The following OSBP variants were observed in gnomAD, a reference collection of about 807,000 sequenced individuals.
OSBP encodes the protein oxysterol binding protein.
A neutral mutation model predicts 96.6 loss-of-function variants in OSBP; 32 were observed. That is an observed-to-expected ratio of 0.33 (90% CI 0.25 to 0.45). OSBP has a LOEUF of 0.45. Among genes scored for constraint, OSBP ranks in the 20% least tolerant of loss-of-function variants. The probability of loss-of-function intolerance (pLI) is 1.00; values close to 1 mark genes in which losing one functional copy is unlikely to be tolerated. For synonymous variants in OSBP, 369 were observed against 389.6 expected (o/e 0.95, Z 0.62); for missense variants, 653 against 1,029.7 (o/e 0.63, Z 5.01).
chr11:59,590,407 T>C (rs1860563143), intron 9 of OSBP, among the ~76,000 whole-genome samples: 1 of 152,192 alleles, frequency 6.6e-6, no homozygotes, highest in East Asian at 1.9e-4. Flanking sequence ...GAAGCCAGAT[T>C]GCCTCAACTC....
chr11:59,610,129 C>T (rs950267302), intron 2 of OSBP, among the ~76,000 whole-genome samples: 1 of 152,130 alleles, frequency 6.6e-6, no homozygotes, highest in Non-Finnish European at 1.5e-5. Context: ...TCTCTAGATG[C>T]CATAGCACCT....
At position 59,600,593 on chromosome 11, in the gene OSBP, T is replaced by C. The variant is rs754431059; in HGVS notation, c.1214A>G (p.Lys405Arg). The change falls in exon 7 of 14, where the codon AAG (lysine) becomes AGG (arginine). Residue 405 changes from lysine (K) to arginine (R), a missense_variant. By Grantham distance (26) the Lys-to-Arg change is conservative. Around this residue, in one of 6 missense-constraint regions of OSBP, gnomAD observed 308 missense variants for 573.1 expected, o/e 0.54. Coordinates refer to ENST00000263847, the MANE Select transcript of OSBP (RefSeq NM_002556.3). ...KHQLEETKKE[K>R]RTRIPYKPNY... The stretch of plus-strand genomic sequence containing the variant: ...TGGCTTGTATGGTATTCTGGTTCTC[T>C]TTTCCTTTTTGGTCTCCTCCAGCTG... 1.2e-5 allele frequency: 19 copies of C among 1,614,040 alleles called. No homozygotes were observed. Among genetic ancestry groups the C allele is most frequent in the Non-Finnish European group, 1.6e-5 (19 of 1,179,974 alleles).
Position 59,580,181 on chromosome 11 carries a change from G to T in OSBP, c.1871C>A (p.Ala624Glu). 6.2e-7 allele frequency: 1 copy of T among 1,600,132 alleles called. No individual in the cohort carries two copies. Among genetic ancestry groups the T allele is most frequent in the Non-Finnish European group, 8.6e-7 (1 of 1,167,572 alleles). The change falls in exon 11 of 14, where the codon GCA becomes GAA. Residue 624 changes from alanine (A) to glutamate (E), a missense_variant. Around this residue, in one of 6 missense-constraint regions of OSBP, gnomAD observed 169 missense variants for 251.5 expected, o/e 0.67. Coordinates refer to ENST00000263847, the MANE Select transcript of OSBP (RefSeq NM_002556.3). The part of the protein sequence containing the change: ...VPYSYFSRDV[A>E]RKVTGEVTDP... ...AATTTCAACTTCCCTTACCTTTCTT[G>T]CTACATCCCGAGAGAAGTAGCTATA... is the stretch of plus-strand genomic sequence containing the variant.
At chr11:59,600,435 C>T in intron 7 of OSBP, 61 bp downstream of exon 7, 7 of 1,587,574 alleles carry the variant, frequency 4.4e-6, no homozygotes, top group Non-Finnish European at 6.0e-6. Flanking sequence ...CATATCAGCA[C>T]TCTTCCCACT....
Position 59,600,621 on chromosome 11 carries a change from G to T in OSBP, c.1186C>A (p.His396Asn). The T allele has an allele frequency of 6.2e-7, 1 of 1,613,690 alleles. No homozygotes were observed. Residue 396 changes from histidine to asparagine, a missense_variant, in exon 7 of 14, where the codon CAT (histidine) becomes AAT (asparagine). Physicochemically the swap from His to Asn is moderately conservative, Grantham distance 68. Transcript: ENST00000263847. ...TCCTTTTTGGTCTCCTCCAGCTGAT[G>T]CTTGTACTGAGAGCAAAACAAAGCC... is the stretch of plus-strand genomic sequence containing the variant. Reference protein sequence around the residue: ...SDISLDEQYKHQLEETKKEKR... With the variant: ...SDISLDEQYKNQLEETKKEKR...
intron 7 of OSBP, chr11:59,595,024 T>C (rs1004498895): frequency 3.2e-5 from 5 of 154,716 alleles, no homozygotes; most frequent in Non-Finnish European, 5.9e-5. Context: ...TGAGTACCCA[T>C]GTGTGCCAGA....
chr11:59,601,513 A>C, intron 4 of OSBP, 127 bp downstream of exon 4: 1 of 1,164,778 alleles, frequency 8.6e-7, no homozygotes, highest in South Asian at 1.3e-5. Context: ...AATCCAGAAT[A>C]AATCAATGGG....
At position 59,576,728 on chromosome 11, in the gene OSBP, A is replaced by G. The variant is rs749793931; in HGVS notation, c.2282-9T>C. 1.1e-5 allele frequency: 18 copies of G among 1,611,744 alleles called. No individual in the cohort carries two copies. The highest frequency in any genetic ancestry group is 1.4e-5 in the Non-Finnish European group (17 of 1,179,426). ...GGGATCATATGGTGTGCCTAAAAGG[A>G]AAAGAGAGGAAAGAAAAAAATTAGT... On this transcript the variant is annotated splice_polypyrimidine_tract_variant and intron_variant, in intron 13 of 13. Transcript: ENST00000263847.
intron 7 of OSBP, among the ~76,000 whole-genome samples, chr11:59,596,142 C>A (rs1312716030): frequency 6.6e-6 from 1 of 151,886 alleles, no homozygotes; most frequent in Non-Finnish European, 1.5e-5. Context: ...TGCCATACCC[C>A]AGAGCCCTCT....
chr11:59,599,499 T>A (rs1860694249), intron 7 of OSBP, among the ~76,000 whole-genome samples: 1 of 152,056 alleles, frequency 6.6e-6, no homozygotes, highest in Non-Finnish European at 1.5e-5. Flanking sequence ...TATACCTAAC[T>A]GAAAACTAGC....
intron 10 of OSBP, 74 bp downstream of exon 10, chr11:59,581,377 C>A: frequency 2.5e-6 from 2 of 812,064 alleles, no homozygotes; most frequent in Non-Finnish European, 4.0e-6. Context: ...GTTCACATGT[C>A]CTAAATACTG....
chr11:59,588,195 A>G (rs1206956693), intron 9 of OSBP, among the ~76,000 whole-genome samples: 1 of 152,232 alleles, frequency 6.6e-6, no homozygotes, highest in Non-Finnish European at 1.5e-5. Flanking sequence ...AAATAGAGAC[A>G]GAAAGTAGAA....
chr11:59,600,532 G>A lies in OSBP; in HGVS notation c.1275C>T (p.Asn425=), dbSNP rs1590675169. ...TCTTAGAGAGTTCTTTTCCAATGCAGTTCTTCATGATGCTCCATAAATTGA... is the reference window on the plus strand; with the variant it reads ...TCTTAGAGAGTTCTTTTCCAATGCAATTCTTCATGATGCTCCATAAATTGA... ...YSLNLWSIMK[N]CIGKELSKIP... is the part of the protein sequence containing the mutation. Residue 425 remains asparagine (N), a synonymous_variant, in exon 7 of 14, where the codon AAC becomes AAT. Coordinates refer to ENST00000263847, the MANE Select transcript of OSBP (RefSeq NM_002556.3). The A allele has an allele frequency of 6.2e-7, 1 of 1,614,008 alleles. No individual in the cohort carries two copies. Among genetic ancestry groups the A allele is most frequent in the African/African-American group, 1.3e-5 (1 of 74,990 alleles).
intron 7 of OSBP, among the ~76,000 whole-genome samples, chr11:59,595,543 T>C (rs575349820): frequency 9.9e-5 from 15 of 152,142 alleles, no homozygotes; most frequent in Non-Finnish European, 1.6e-4. Context: ...TTTTTAACTG[T>C]AAAAAACTTT....
chr11:59,594,366 G>T, intron 7 of OSBP, 111 bp from the exon 8 acceptor site: 2 of 1,013,370 alleles, frequency 2.0e-6, no homozygotes, highest in Non-Finnish European at 2.9e-6. Context: ...GCTTTGCTCA[G>T]TAGAGCGGCT....
At chr11:59,576,784 A>G in intron 13 of OSBP, 21 bp downstream of exon 13, 1 of 1,613,052 alleles carries the variant, frequency 6.2e-7, no homozygotes, top group Non-Finnish European at 8.5e-7. Context: ...AAGAAAGAAG[A>G]GTAGAAGGGA....
chr11:59,613,759 T>C (rs1860883710), intron 1 of OSBP, among the ~76,000 whole-genome samples: 1 of 152,220 alleles, frequency 6.6e-6, no homozygotes, highest in Non-Finnish European at 1.5e-5. Flanking sequence ...AAATATACAA[T>C]TATTCACAAC....
At chr11:59,600,308 C>G (rs144703144) in intron 7 of OSBP, among the ~76,000 whole-genome samples, 188 bp downstream of exon 7, 120 of 152,260 alleles carry the variant, frequency 7.9e-4, no homozygotes, top group African/African-American at 2.8e-3. Flanking sequence ...TCTAGGTGAT[C>G]TGGGAACATA....
chr11:59,578,054 C>T (rs898675266), intron 12 of OSBP, 95 bp downstream of exon 12: 27 of 1,149,618 alleles, frequency 2.3e-5, no homozygotes, highest in Non-Finnish European at 2.6e-6. Context: ...CAATTCCCCA[C>T]ATAATTAAGT....
Sources: allele counts gnomAD v4.1 joint callset (sites outside exome capture counted in the v4.1 genomes callset), GRCh38; gene constraint gnomAD v4.1.1; regional missense constraint gnomAD v4.1.1; transcripts MANE v1.5; gene names NCBI Gene and HGNC (gene_info 2026-07-23, HGNC 2026-07-21).